ABCA1: variants seen among roughly 807,000 people sequenced by gnomAD.
ABCA1 encodes the protein phospholipid-transporting ATPase ABCA1.
A neutral mutation model predicts 262.5 loss-of-function variants in ABCA1; 133 were observed. The observed-to-expected ratio is 0.51, with a 90% CI of 0.44 to 0.59. ABCA1 has a LOEUF of 0.59. Ranked by LOEUF, ABCA1 falls within the 20% of genes least tolerant of loss-of-function variation. The pLI, the probability that ABCA1 is intolerant of heterozygous loss-of-function variation, is 0.00. For synonymous variants in ABCA1, 1,022 were observed against 1,043.5 expected (o/e 0.98, Z 0.40); for missense variants, 2,452 against 2,777.5 (o/e 0.88, Z 2.63).
rs576883730 is a variant in ABCA1, at chr9:104,926,282, G to A, written c.-93+1653C>T. ...GTGCTGCAAAGGCAGGCCAATTACTGCCAGTGCCAGACAACTTTTTTCTTT... is the reference window on the plus strand; with the variant it reads ...GTGCTGCAAAGGCAGGCCAATTACTACCAGTGCCAGACAACTTTTTTCTTT... On this transcript the variant is annotated intron_variant, in intron 1 of 49. Transcript: ENST00000374736. Among the ~76,000 whole-genome samples, 124 of 152,138 alleles carry A rather than the reference G, an allele frequency of 8.2e-4. 1 individual carries two copies. Among genetic ancestry groups the A allele is most frequent in the African/African-American group, 2.7e-3 (114 of 41,520 alleles).
At chr9:104,903,573 A>T (rs1840842433) in intron 2 of ABCA1, 41 bp downstream of exon 2, 1 of 1,555,792 alleles carries the variant, frequency 6.4e-7, no homozygotes. Flanking sequence ...CCACAAAGAA[A>T]AAATGAGAGA....
At chr9:104,877,836 C>A (rs542279054) in intron 5 of ABCA1, among the ~76,000 whole-genome samples, 13 of 152,366 alleles carry the variant, frequency 8.5e-5, no homozygotes, top group Admixed American at 8.5e-4. Flanking sequence ...AAACCCCACA[C>A]TCACTCTTAT....
At chr9:104,925,842 G>A (rs1174070113) in intron 1 of ABCA1, among the ~76,000 whole-genome samples, 1 of 152,110 alleles carries the variant, frequency 6.6e-6, no homozygotes, top group African/African-American at 2.4e-5. Flanking sequence ...AGTTTCTCAA[G>A]AGAATGATAC....
intron 6 of ABCA1, among the ~76,000 whole-genome samples, chr9:104,859,532 G>A (rs556727048): frequency 6.6e-6 from 1 of 152,140 alleles, no homozygotes. Context: ...GTTTAAATTG[G>A]GGCAGGCTGA....
chr9:104,869,909 C>T (rs1424494091), intron 5 of ABCA1, among the ~76,000 whole-genome samples: 3 of 143,456 alleles, frequency 2.1e-5, no homozygotes, highest in South Asian at 2.1e-4. Flanking sequence ...GCTTCCTATA[C>T]GTGTGGGTTA....
intron 7 of ABCA1, chr9:104,855,774 C>T: frequency 1.9e-6 from 3 of 1,562,232 alleles, no homozygotes; most frequent in Non-Finnish European, 2.6e-6. Context: ...CCAGACCCAG[C>T]TGACCCTCCC....
intron 33 of ABCA1, 149 bp downstream of exon 33, chr9:104,803,135 C>T (rs1266575632): frequency 1.1e-6 from 1 of 890,184 alleles, no homozygotes; most frequent in Non-Finnish European, 1.9e-6. Context: ...GTGTGCTCCA[C>T]ATGTTCACAG....
intron 2 of ABCA1, among the ~76,000 whole-genome samples, chr9:104,900,724 G>C (rs949090983): frequency 7.2e-5 from 11 of 152,174 alleles, no homozygotes; most frequent in African/African-American, 2.4e-4. Flanking sequence ...CCAACTCTGG[G>C]CACCTGTGCC....
At chr9:104,823,957 C>A (rs35093463) in intron 18 of ABCA1, among the ~76,000 whole-genome samples, 10,089 of 152,202 alleles carry the variant, frequency 0.066, 667 homozygotes, top group East Asian at 0.41. Flanking sequence ...AAGGCAGAGC[C>A]TTTGATGAGC....
chr9:104,785,332 C>T lies in ABCA1; in HGVS notation c.6645+64G>A, dbSNP rs1251317914. 2.4e-5 allele frequency: 39 copies of T among 1,601,490 alleles called. 1 individual carries two copies. Among genetic ancestry groups the T allele is most frequent in the African/African-American group, 9.4e-5 (7 of 74,708 alleles). On this transcript the variant is annotated intron_variant, in intron 49 of 49. Coordinates refer to ENST00000374736, the MANE Select transcript of ABCA1 (RefSeq NM_005502.4). Reference sequence around the variant, plus strand: ...TACAAACTGCTCTTGGACCTATGGGCGGGAGTGTCGGGGCAGGAATCCACA... The same window carrying T: ...TACAAACTGCTCTTGGACCTATGGGTGGGAGTGTCGGGGCAGGAATCCACA...
rs139029664 is a variant in ABCA1 at position 104,817,771 on chromosome 9, G to C, written c.3463-367C>G. On this transcript the variant is annotated intron_variant, in intron 23 of 49. Transcript: ENST00000374736. The surrounding 1 kb of genome is among the most constrained non-coding windows in gnomAD (Gnocchi z 4.7). ...GTGTGTTCAACCACTCAAGAACCTT[G>C]TTAAAATGCACAGATTCTGATTCGG... is the stretch of plus-strand genomic sequence containing the variant. Among the ~76,000 whole-genome samples the C allele has an allele frequency of 9.5e-4, 144 of 152,342 alleles. No individual in the cohort carries two copies. The highest frequency in any genetic ancestry group is 3.4e-3 in the African/African-American group (140 of 41,578).
At chr9:104,897,459 C>A (rs1840320540) in intron 2 of ABCA1, among the ~76,000 whole-genome samples, 1 of 152,160 alleles carries the variant, frequency 6.6e-6, no homozygotes, top group South Asian at 2.1e-4. Flanking sequence ...TTATTTGTAA[C>A]AGCACACATG....
chr9:104,858,615 T>G lies in ABCA1; in HGVS notation c.627A>C (p.Gln209His), dbSNP rs1836058389. ...GTAGGCCACAAAGCTCAGAAACTTC[T>G]TGGTCACCAAGTTGAATCATCTCTT... ...KSEEMIQLGDQEVSELCGLPR... is the reference protein window; with the variant it reads ...KSEEMIQLGDHEVSELCGLPR... Residue 209 changes from glutamine (Q) to histidine (H), a missense_variant, in exon 7 of 50, where the codon CAA becomes CAC. Physicochemically the swap from Gln to His is conservative, Grantham distance 24. This residue lies in a region of ABCA1 where 1,032 missense variants were observed against 1,089.7 expected (regional missense o/e 0.95). Transcript: ENST00000374736. The G allele has an allele frequency of 6.2e-7, 1 of 1,614,112 alleles. No individual in the cohort carries two copies. The highest frequency in any genetic ancestry group is 1.3e-5 in the African/African-American group (1 of 74,946).
chr9:104,901,489 T>C (rs1261529871), intron 2 of ABCA1, among the ~76,000 whole-genome samples: 1 of 152,030 alleles, frequency 6.6e-6, no homozygotes, highest in Non-Finnish European at 1.5e-5. Context: ...GCGGAGACAA[T>C]TTCCCAGCAA....
At chr9:104,881,971 G>A (rs895123868) in intron 5 of ABCA1, among the ~76,000 whole-genome samples, 1 of 138,390 alleles carries the variant, frequency 7.2e-6, no homozygotes, top group Non-Finnish European at 1.5e-5. Context: ...TTGTCATCAG[G>A]TCCCACATTG....
At chr9:104,829,411 G>A (rs1002835464) in intron 14 of ABCA1, among the ~76,000 whole-genome samples, 1 of 152,120 alleles carries the variant, frequency 6.6e-6, no homozygotes, top group African/African-American at 2.4e-5. Context: ...TTAAACTAAA[G>A]GTAGATTATG....
At chr9:104,874,479 T>C (rs1160096578) in intron 5 of ABCA1, among the ~76,000 whole-genome samples, 1 of 151,958 alleles carries the variant, frequency 6.6e-6, no homozygotes, top group Non-Finnish European at 1.5e-5. Flanking sequence ...GCAGGAAGAA[T>C]TGTTTGAACC....
rs1828553103 is a variant in ABCA1 at position 104,781,653 on chromosome 9, C to G, written c.*2662G>C. On this transcript the variant is annotated 3_prime_UTR_variant, in exon 50 of 50. Coordinates refer to ENST00000374736, the MANE Select transcript of ABCA1 (RefSeq NM_005502.4). ...AGTGTGAGGTTTGGTTGTTTTTTAA[C>G]AATGAATTGTGCTGGGCATTTATGT... 6.6e-6 allele frequency: 1 copy of G among 152,566 alleles called. No individual in the cohort carries two copies. 9.5% of individuals were successfully genotyped at this position (152,566 alleles called of 1,614,324 possible).
intron 37 of ABCA1, 106 bp from the exon 38 acceptor site, chr9:104,796,530 G>T: frequency 1.2e-6 from 1 of 822,374 alleles, no homozygotes; most frequent in Non-Finnish European, 2.1e-6. Context: ...AAACATATTG[G>T]AGAGTAACTC....
Sources: gnomAD v4.1 joint callset for allele counts (sites outside exome capture counted in the v4.1 genomes callset) on GRCh38, gnomAD v4.1.1 for gene constraint, gnomAD v4.1.1 regional missense constraint, Gnocchi (gnomAD v3.1) non-coding constraint, MANE v1.5 for transcripts, NCBI Gene and HGNC (gene_info 2026-07-23, HGNC 2026-07-21) for gene names.